PDE4B: variants seen among roughly 807,000 people sequenced by gnomAD.
PDE4B encodes 3',5'-cyclic-AMP phosphodiesterase 4B.
Under a neutral mutation model 82.2 loss-of-function variants are expected in PDE4B, and 20 were observed. The ratio of observed to expected loss-of-function variants is 0.24; its 90% CI spans 0.17 to 0.35. The LOEUF (loss-of-function observed/expected upper bound fraction) is 0.35, where lower values mean the gene tolerates loss of function less well. Among genes scored for constraint, PDE4B ranks in the 10% least tolerant of loss-of-function variants. The probability of loss-of-function intolerance (pLI) is 1.00; values close to 1 mark genes in which losing one functional copy is unlikely to be tolerated. For synonymous variants in PDE4B, 320 were observed against 318.9 expected, an observed-to-expected ratio of 1.00 and a Z score of -0.04; for missense variants, 655 against 907.2, an observed-to-expected ratio of 0.72 and a Z score of 3.57.
chr1:65,880,726 T>C (rs1185385420), intron 1 of PDE4B, among the ~76,000 whole-genome samples: 2 of 152,140 alleles, frequency 1.3e-5, no homozygotes, highest in East Asian at 1.9e-4. Flanking sequence ...GGAAATAAAT[T>C]TGTGTTGTTA....
At chr1:65,793,845 C>T (rs896020680) in intron 1 of PDE4B, among the ~76,000 whole-genome samples, 4 of 152,182 alleles carry the variant, frequency 2.6e-5, no homozygotes, top group African/African-American at 9.7e-5. Flanking sequence ...AGAGGCTCTC[C>T]TCCTTTCTCC....
intron 3 of PDE4B, chr1:66,048,839 A>C (rs1654860143): frequency 6.6e-6 from 1 of 152,004 alleles, no homozygotes; most frequent in African/African-American, 2.4e-5. Context: ...GAGGACACAC[A>C]AGAAGTCCAC....
At chr1:66,043,945 T>G (rs1654536354) in intron 3 of PDE4B, among the ~76,000 whole-genome samples, 1 of 151,808 alleles carries the variant, frequency 6.6e-6, no homozygotes, top group Non-Finnish European at 1.5e-5. Context: ...GATGCAATTT[T>G]GAAACTAAAA....
intron 3 of PDE4B, among the ~76,000 whole-genome samples, chr1:66,085,155 C>T (rs1172504580): frequency 6.6e-6 from 1 of 152,146 alleles, no homozygotes; most frequent in African/African-American, 2.4e-5. Flanking sequence ...CATCCCTGTG[C>T]CCTACCCAGG....
At chr1:66,056,415 A>G (rs1311081570) in intron 3 of PDE4B, among the ~76,000 whole-genome samples, 5 of 152,048 alleles carry the variant, frequency 3.3e-5, no homozygotes, top group Non-Finnish European at 7.4e-5. Flanking sequence ...GGTGGCCAGG[A>G]GCCAAAGAAT....
intron 3 of PDE4B, among the ~76,000 whole-genome samples, chr1:66,119,135 G>A (rs1645657312): frequency 6.6e-6 from 1 of 152,182 alleles, no homozygotes; most frequent in African/African-American, 2.4e-5. Flanking sequence ...TCTCCATGTG[G>A]CCAGCTGGGC....
chr1:66,191,892 G>C (rs1295521168), intron 3 of PDE4B, among the ~76,000 whole-genome samples: 1 of 152,176 alleles, frequency 6.6e-6, no homozygotes, highest in East Asian at 1.9e-4. Context: ...GATCTTGTGA[G>C]ACTTATTCAC....
At chr1:65,991,846 T>C (rs368528137) in intron 3 of PDE4B, among the ~76,000 whole-genome samples, 11 of 152,258 alleles carry the variant, frequency 7.2e-5, no homozygotes, top group East Asian at 5.8e-4. Flanking sequence ...CACAAACACA[T>C]GCATAGTGCT....
At chr1:65,988,653 C>T (rs1461149221) in intron 3 of PDE4B, among the ~76,000 whole-genome samples, 1 of 151,392 alleles carries the variant, frequency 6.6e-6, no homozygotes, top group Non-Finnish European at 1.5e-5. Context: ...TTAAAAGCTT[C>T]TGGATTGTCT....
At chr1:66,290,647 G>C (rs1657004784) in intron 7 of PDE4B, among the ~76,000 whole-genome samples, 2 of 152,176 alleles carry the variant, frequency 1.3e-5, no homozygotes, top group Admixed American at 1.3e-4. Context: ...GACTTCAGTG[G>C]CCTGACTTAA....
At chr1:66,236,430 G>GA (rs573856116) in intron 3 of PDE4B, among the ~76,000 whole-genome samples, 4 of 151,656 alleles carry the variant, frequency 2.6e-5, no homozygotes, top group Non-Finnish European at 4.4e-5. Flanking sequence ...TTAATAAGAA[G>GA]AAAAAAAATG....
intron 3 of PDE4B, among the ~76,000 whole-genome samples, chr1:66,212,416 C>T (rs1010418392): frequency 8.5e-5 from 13 of 152,158 alleles, no homozygotes; most frequent in African/African-American, 2.9e-4. Flanking sequence ...AAATGTCCCT[C>T]ATCCCAATAT....
At chr1:66,288,555 A>T (rs1269298784) in intron 7 of PDE4B, among the ~76,000 whole-genome samples, 2 of 152,148 alleles carry the variant, frequency 1.3e-5, no homozygotes, top group East Asian at 3.8e-4. Context: ...CGCTGAATAA[A>T]TGTTAAAGAA....
chr1:65,969,527 G>A (rs906503585), intron 3 of PDE4B, among the ~76,000 whole-genome samples: 8 of 152,098 alleles, frequency 5.3e-5, no homozygotes, highest in Non-Finnish European at 1.2e-4. Context: ...TTAACACTTG[G>A]TTAGCTTAGC....
At chr1:65,890,986 T>C (rs1327421258) in intron 1 of PDE4B, among the ~76,000 whole-genome samples, 1 of 152,110 alleles carries the variant, frequency 6.6e-6, no homozygotes, top group Non-Finnish European at 1.5e-5. Flanking sequence ...AGAACTCACC[T>C]ACCTGTACTA....
chr1:66,252,224 A>T (rs1419188041), intron 4 of PDE4B, among the ~76,000 whole-genome samples: 1 of 152,218 alleles, frequency 6.6e-6, no homozygotes, highest in Non-Finnish European at 1.5e-5. Context: ...ACTACATGAA[A>T]TAATGTACAT....
intron 3 of PDE4B, among the ~76,000 whole-genome samples, chr1:66,239,862 A>G (rs1384094570): frequency 6.6e-6 from 1 of 152,266 alleles, no homozygotes; most frequent in Admixed American, 6.5e-5. Context: ...CAAAAAAAGG[A>G]TCTCAATCAA....
intron 3 of PDE4B, among the ~76,000 whole-genome samples, chr1:66,113,675 A>G (rs1645534784): frequency 6.6e-6 from 1 of 152,214 alleles, no homozygotes; most frequent in African/African-American, 2.4e-5. Flanking sequence ...CTTACTTTTC[A>G]TATCTCCTTT....
intron 3 of PDE4B, among the ~76,000 whole-genome samples, chr1:66,144,565 AG>A (rs1245623521): frequency 6.6e-6 from 1 of 152,232 alleles, no homozygotes; most frequent in Non-Finnish European, 1.5e-5. Context: ...AGAAACTTTA[AG>A]CATTAACATG....
Sources: gnomAD v4.1 joint callset for allele counts (sites outside exome capture counted in the v4.1 genomes callset) on GRCh38, gnomAD v4.1.1 for gene constraint, MANE v1.5 for transcripts, NCBI Gene and HGNC (gene_info 2026-07-23, HGNC 2026-07-21) for gene names.